Variants in TENM4 observed in about 807,000 individuals in gnomAD.
TENM4 encodes the protein teneurin transmembrane protein 4, also known as teneurin-4.
Under a neutral mutation model 243.3 loss-of-function variants are expected in TENM4, and 82 were observed. The ratio of observed to expected loss-of-function variants is 0.34; its 90% CI spans 0.28 to 0.40. TENM4 has a LOEUF of 0.40. Ranked by LOEUF, TENM4 falls within the 10% of genes least tolerant of loss-of-function variation. TENM4 has a pLI of 1.00. For synonymous variants in TENM4, 1,412 were observed against 1,456.3 expected (o/e 0.97, Z 0.69); for missense variants, 3,138 against 3,673.3 (o/e 0.85, Z 3.77).
At chr11:78,687,590 T>C (rs960665608) in intron 29 of TENM4, among the ~76,000 whole-genome samples, 2 of 152,202 alleles carry the variant, frequency 1.3e-5, no homozygotes, top group African/African-American at 4.8e-5. Context: ...ACAGGATGAT[T>C]TGACAAATGC....
At chr11:78,890,862 C>T (rs1356863074) in intron 8 of TENM4, among the ~76,000 whole-genome samples, 2 of 152,188 alleles carry the variant, frequency 1.3e-5, no homozygotes, top group South Asian at 2.1e-4. Context: ...TGCACTGTAC[C>T]CCCCAGAAGC....
At chr11:79,111,528 G>A (rs886628737) in intron 4 of TENM4, among the ~76,000 whole-genome samples, 2 of 152,164 alleles carry the variant, frequency 1.3e-5, no homozygotes, top group Non-Finnish European at 2.9e-5. Context: ...CTGGGCAACA[G>A]AGCTAGACTC....
intron 6 of TENM4, among the ~76,000 whole-genome samples, chr11:79,027,452 T>C (rs766343733): frequency 6.6e-5 from 10 of 152,230 alleles, no homozygotes; most frequent in Non-Finnish European, 1.3e-4. Flanking sequence ...CTAGTAGTTT[T>C]TGGCTGAGAG....
chr11:79,197,748 G>T (rs1184040029), intron 3 of TENM4, among the ~76,000 whole-genome samples: 2 of 152,202 alleles, frequency 1.3e-5, no homozygotes, highest in African/African-American at 4.8e-5. Flanking sequence ...TGTTTTGCTG[G>T]GGGACGTGGT....
At chr11:79,153,825 C>A (rs1448388328) in intron 3 of TENM4, among the ~76,000 whole-genome samples, 1 of 152,050 alleles carries the variant, frequency 6.6e-6, no homozygotes, top group Non-Finnish European at 1.5e-5. Context: ...GATTCTTCAA[C>A]CAGCCCCTGA....
intron 19 of TENM4, among the ~76,000 whole-genome samples, chr11:78,742,137 T>C (rs1322125782): frequency 1.3e-5 from 2 of 152,134 alleles, no homozygotes; most frequent in East Asian, 3.9e-4. Flanking sequence ...TCATTTGCAT[T>C]ATATAGCCAT....
chr11:78,991,964 A>G (rs532656853), intron 6 of TENM4, among the ~76,000 whole-genome samples: 72 of 152,326 alleles, frequency 4.7e-4, no homozygotes, highest in African/African-American at 1.6e-3. Context: ...TGATTATCCA[A>G]TAATACCAAG....
intron 6 of TENM4, among the ~76,000 whole-genome samples, chr11:78,920,234 A>C (rs1856419995): frequency 6.6e-6 from 1 of 152,104 alleles, no homozygotes; most frequent in Non-Finnish European, 1.5e-5. Flanking sequence ...TTCCTGGAGC[A>C]CCTCTCATAT....
chr11:78,742,808 A>G (rs1855961506), intron 19 of TENM4, among the ~76,000 whole-genome samples: 1 of 152,152 alleles, frequency 6.6e-6, no homozygotes, highest in Non-Finnish European at 1.5e-5. Context: ...AGACAAAACC[A>G]CTCCAAAACA....
intron 4 of TENM4, among the ~76,000 whole-genome samples, chr11:79,128,760 C>T (rs551602554): frequency 1.5e-4 from 23 of 152,268 alleles, no homozygotes; most frequent in African/African-American, 5.5e-4. Context: ...GTGCACTTTG[C>T]ATGGAAGGAG....
chr11:79,119,552 T>A (rs919341985), intron 4 of TENM4, among the ~76,000 whole-genome samples: 4 of 152,200 alleles, frequency 2.6e-5, no homozygotes, highest in Non-Finnish European at 5.9e-5. Context: ...AGTATTCTAA[T>A]CATCAAGGCA....
chr11:79,114,528 C>A (rs985475896), intron 4 of TENM4, among the ~76,000 whole-genome samples: 20 of 152,172 alleles, frequency 1.3e-4, no homozygotes, highest in African/African-American at 4.3e-4. Flanking sequence ...AATCTGGAGC[C>A]TGGTATTTAC....
intron 1 of TENM4, among the ~76,000 whole-genome samples, chr11:79,297,921 GCTTTTTTTTTT>G (rs1275531878): frequency 6.6e-6 from 1 of 151,104 alleles, no homozygotes; most frequent in African/African-American, 2.4e-5. Context: ...AACAATTTGG[GCTTTTTTTTTT>G]CTTTTTTTTT....
chr11:79,030,531 GAC>G (rs1859200274), intron 6 of TENM4, among the ~76,000 whole-genome samples: 1 of 152,184 alleles, frequency 6.6e-6, no homozygotes, highest in South Asian at 2.1e-4. Flanking sequence ...AGGGAGGAGA[GAC>G]AGCTCCCCAC....
chr11:78,968,920 T>C (rs1377896232), intron 6 of TENM4, among the ~76,000 whole-genome samples: 10 of 152,310 alleles, frequency 6.6e-5, no homozygotes, highest in Non-Finnish European at 1.3e-4. Context: ...GACCATGAAC[T>C]TCCTATTGGG....
rs889343909 is a variant in TENM4, at chr11:78,814,342, C to G, written c.1735G>C (p.Gly579Arg). 6.4e-7 allele frequency: 1 copy of G among 1,550,562 alleles called. No homozygotes were observed. Among genetic ancestry groups the G allele is most frequent in the Non-Finnish European group, 8.7e-7 (1 of 1,146,496 alleles). ...NCYGNGDCIS[G>R]TCHCFLGFLG... ...AAACCCAGGAAGCAGTGGCAGGTCC[C>G]AGAGATGCAGTCACCATTGCCATAG... The change falls in exon 13 of 34, where the codon GGG becomes CGG. Residue 579 changes from glycine to arginine, a missense_variant. By Grantham distance (125) the Gly-to-Arg change is moderately radical (BLOSUM62 -2). This residue lies in a region of TENM4 where 2,467 missense variants were observed against 3,059.1 expected (regional missense o/e 0.81). Transcript: ENST00000278550.
chr11:79,412,571 C>T (rs140635438), intron 1 of TENM4, among the ~76,000 whole-genome samples: 2 of 152,092 alleles, frequency 1.3e-5, no homozygotes, highest in Non-Finnish European at 2.9e-5. Context: ...TCCTCACATA[C>T]GAGGTAGGAA....
chr11:78,935,330 G>A (rs953617848), intron 6 of TENM4, among the ~76,000 whole-genome samples: 3 of 152,152 alleles, frequency 2.0e-5, no homozygotes, highest in Non-Finnish European at 4.4e-5. Flanking sequence ...CAACTTTTAA[G>A]AGTTTCTTGA....
chr11:78,695,876 C>T (rs915695647), intron 28 of TENM4, among the ~76,000 whole-genome samples: 2 of 147,262 alleles, frequency 1.4e-5, no homozygotes, highest in Admixed American at 6.8e-5. Context: ...TGTGTATGTA[C>T]TTATTCTGCT....
Sources: gnomAD v4.1 joint callset for allele counts (sites outside exome capture counted in the v4.1 genomes callset) on GRCh38, gnomAD v4.1.1 for gene constraint, gnomAD v4.1.1 regional missense constraint, MANE v1.5 for transcripts, NCBI Gene and HGNC (gene_info 2026-07-23, HGNC 2026-07-21) for gene names.